COPE: variants seen among roughly 807,000 people sequenced by gnomAD.
COPE encodes the protein coat protein complex I subunit epsilon, also known as coatomer subunit epsilon.
In COPE, 19 loss-of-function variants were observed where a neutral mutation model predicts 42.1. The observed-to-expected ratio is 0.45, with a 90% CI of 0.31 to 0.66. The LOEUF is 0.66. Ranked by LOEUF, COPE falls within the 30% of genes least tolerant of loss-of-function variation. The probability of loss-of-function intolerance (pLI) is 0.05; values close to 1 mark genes in which losing one functional copy is unlikely to be tolerated. For synonymous variants in COPE, 195 were observed against 181.3 expected (o/e 1.08, Z -0.60); for missense variants, 402 against 416.1 (o/e 0.97, Z 0.30).
At chr19:18,903,066 T>C (rs1403978778) in intron 7 of COPE, among the ~76,000 whole-genome samples, 2 of 152,008 alleles carry the variant, frequency 1.3e-5, no homozygotes, top group African/African-American at 4.8e-5. Flanking sequence ...GATGCCCCAT[T>C]TCTGTGAGGC....
At chr19:18,919,144 C>G in intron 1 of COPE, 79 bp downstream of exon 1, 1 of 1,492,420 alleles carries the variant, frequency 6.7e-7, no homozygotes, top group Non-Finnish European at 9.2e-7. Context: ...AGTTTTTAGA[C>G]GCAGAACGCG....
chr19:18,914,973 G>A (rs1038411947), intron 1 of COPE, among the ~76,000 whole-genome samples: 4 of 151,870 alleles, frequency 2.6e-5, no homozygotes, highest in East Asian at 1.9e-4. Context: ...TGAACCAGCC[G>A]CCTCGGCCTC....
At chr19:18,903,087 A>C (rs2056724076) in intron 7 of COPE, among the ~76,000 whole-genome samples, 181 bp downstream of exon 7, 3 of 152,014 alleles carry the variant, frequency 2.0e-5, no homozygotes, top group African/African-American at 7.2e-5. Flanking sequence ...CGGAATCTGG[A>C]TTTCTTTGCA....
chr19:18,912,863 G>T (rs2056822999), intron 2 of COPE, 121 bp downstream of exon 2: 1 of 911,154 alleles, frequency 1.1e-6, no homozygotes, highest in Admixed American at 2.0e-5. Flanking sequence ...ACTGAACACT[G>T]CAGGCCTGGG....
At chr19:18,909,130 G>A (rs780974594) in intron 3 of COPE, among the ~76,000 whole-genome samples, 106 of 152,234 alleles carry the variant, frequency 7.0e-4, no homozygotes, top group African/African-American at 2.1e-3. Flanking sequence ...CCTGCTCTCC[G>A]GGGCTGCTTT....
chr19:18,906,919 T>C (rs750476225), intron 4 of COPE, 41 bp downstream of exon 4: 9 of 1,527,080 alleles, frequency 5.9e-6, no homozygotes, highest in Non-Finnish European at 7.9e-6. Flanking sequence ...CAGGGGGCAC[T>C]TGCCTCCCTG....
chr19:18,904,021 A>G (rs1055001490), intron 6 of COPE, among the ~76,000 whole-genome samples: 1 of 152,186 alleles, frequency 6.6e-6, no homozygotes, highest in Admixed American at 6.5e-5. Context: ...GCAGGAGTGC[A>G]CTGGCGCGAT....
chr19:18,908,932 A>C (rs141329408), intron 3 of COPE, among the ~76,000 whole-genome samples: 49 of 152,242 alleles, frequency 3.2e-4, no homozygotes, highest in African/African-American at 1.1e-3. Context: ...TGGGAGATCA[A>C]GGCTGCAGTA....
In COPE at chr19:18,900,043, T is replaced by C. The variant is rs376222230; in HGVS notation, c.805-96A>G. The C allele has an allele frequency of 4.5e-4, 480 of 1,056,174 alleles. 2 individuals carry two copies. In the African/African-American group the frequency reaches 5.8e-3, roughly 13 times the overall value. The allele number at this position is 1,056,174 out of a possible 1,614,324, so 65.4% of individuals were successfully genotyped here. ...GGGTGGATTGGGGTGAGAGCCACAG[T>C]ACCCCAGGGGGCTCCTCACCCTGCC... On this transcript the variant is annotated intron_variant, in intron 8 of 9. Coordinates refer to ENST00000262812, the MANE Select transcript of COPE (RefSeq NM_007263.4).
At chr19:18,901,304 G>A (rs1260019665) in intron 7 of COPE, among the ~76,000 whole-genome samples, 1 of 152,270 alleles carries the variant, frequency 6.6e-6, no homozygotes, top group East Asian at 1.9e-4. Flanking sequence ...AAAGCCCCCA[G>A]AGGATGCGGC....
intron 3 of COPE, among the ~76,000 whole-genome samples, chr19:18,907,404 A>T (rs1601222241): frequency 6.6e-6 from 1 of 152,166 alleles, no homozygotes; most frequent in Non-Finnish European, 1.5e-5. Flanking sequence ...CGCCTTCCTG[A>T]GGAGGCTGGT....
chr19:18,902,259 C>T (rs776584120), intron 7 of COPE, among the ~76,000 whole-genome samples: 18 of 150,034 alleles, frequency 1.2e-4, no homozygotes, highest in Non-Finnish European at 1.3e-4. Flanking sequence ...TGAGGTGGGA[C>T]GATCACTTGA....
intron 1 of COPE, among the ~76,000 whole-genome samples, chr19:18,917,579 G>C (rs1404372832): frequency 6.6e-6 from 1 of 151,904 alleles, no homozygotes; most frequent in African/African-American, 2.4e-5. Context: ...AAGTTGGTCA[G>C]GCTGGTCTCG....
Position 18,905,579 on chromosome 19 carries a change from G to C in COPE, c.494C>G (p.Ala165Gly), listed in dbSNP as rs2056750747. The change falls in exon 5 of 10, where the codon GCC becomes GGC. Residue 165 changes from alanine (A) to glycine (G), a missense_variant. Physicochemically the swap from Ala to Gly is moderately conservative, Grantham distance 60. Coordinates refer to ENST00000262812, the MANE Select transcript of COPE (RefSeq NM_007263.4). The part of the protein sequence containing the change: ...ILLKLDRLDL[A>G]RKELKRMQDL... ...GGAGAGGGGCAGGAGGGCTCACCGG[G>C]CGAGGTCCAGGCGGTCCAGCTTCAG... 2 of 1,590,880 alleles carry C rather than the reference G, an allele frequency of 1.3e-6. No homozygotes were observed. Among genetic ancestry groups the C allele is most frequent in the Non-Finnish European group, 1.7e-6 (2 of 1,176,592 alleles).
In COPE at chr19:18,919,277, G is replaced by A; in HGVS notation, c.72C>T (p.Asn24=). ...GCTGGTAGCTGCCGATGTAGAAGGC[G>A]TTCTTTACGTCGAACAGCTCGTCTA... is the stretch of plus-strand genomic sequence containing the variant. ...GEVDELFDVK[N]AFYIGSYQQC... Residue 24 remains asparagine (N), a synonymous_variant, in exon 1 of 10, where the codon AAC becomes AAT. Transcript: ENST00000262812. The A allele has an allele frequency of 6.2e-7, 1 of 1,613,980 alleles. No individual in the cohort carries two copies. The highest frequency in any genetic ancestry group is 8.5e-7 in the Non-Finnish European group (1 of 1,180,026).
intron 1 of COPE, among the ~76,000 whole-genome samples, 169 bp downstream of exon 1, chr19:18,919,054 T>C (rs368160584): frequency 1.1e-4 from 16 of 152,380 alleles, no homozygotes; most frequent in African/African-American, 3.6e-4. Flanking sequence ...GTTACTGCTC[T>C]GGGTTCTGTC....
At chr19:18,914,517 G>C (rs896018922) in intron 1 of COPE, among the ~76,000 whole-genome samples, 1 of 151,900 alleles carries the variant, frequency 6.6e-6, no homozygotes, top group African/African-American at 2.4e-5. Flanking sequence ...CTCCAGCCTA[G>C]GTGACAGAGC....
chr19:18,906,742 TG>T lies in COPE; in HGVS notation c.443+217del, dbSNP rs2056763085. On this transcript the variant is annotated intron_variant, in intron 4 of 9. Coordinates refer to ENST00000262812, the MANE Select transcript of COPE (RefSeq NM_007263.4). ...CCCTTGGGAACAGAGGGTTGCAGCCTGGGCACCGTGTCCTTGGATCTGCAGC... is the reference window on the plus strand; with the variant it reads ...CCCTTGGGAACAGAGGGTTGCAGCCTGGCACCGTGTCCTTGGATCTGCAGC... 1.1e-5 allele frequency: 6 copies of T among 525,368 alleles called. 1 individual carries two copies. In the South Asian group the frequency reaches 1.7e-4, roughly 15 times the overall value. 32.5% of individuals were successfully genotyped at this position (525,368 alleles called of 1,614,324 possible).
At chr19:18,919,124 G>A (rs2231984) in intron 1 of COPE, 99 bp downstream of exon 1, 20 of 1,370,624 alleles carry the variant, frequency 1.5e-5, no homozygotes, top group African/African-American at 2.9e-5. Flanking sequence ...AACGCGAGAA[G>A]AAAAGAGAAA....
Sources: allele counts gnomAD v4.1 joint callset (sites outside exome capture counted in the v4.1 genomes callset), GRCh38; gene constraint gnomAD v4.1.1; transcripts MANE v1.5; gene names NCBI Gene and HGNC (gene_info 2026-07-23, HGNC 2026-07-21).